Variants in IPO11 observed in about 807,000 individuals in gnomAD.
IPO11 encodes importin-11.
Under a neutral mutation model 143.2 loss-of-function variants are expected in IPO11, and 66 were observed. That is an observed-to-expected ratio of 0.46 (90% confidence interval 0.38 to 0.57). The LOEUF is 0.57. Ranked by LOEUF, IPO11 falls within the 20% of genes least tolerant of loss-of-function variation. IPO11 has a pLI of 0.00. For synonymous variants in IPO11, 385 were observed against 377.8 expected (o/e 1.02, Z -0.22); for missense variants, 1,026 against 1,141.0 (o/e 0.90, Z 1.45).
At chr5:62,609,179 C>T (rs1745840784) in intron 29 of IPO11, among the ~76,000 whole-genome samples, 1 of 152,174 alleles carries the variant, frequency 6.6e-6, no homozygotes, top group Non-Finnish European at 1.5e-5. Context: ...CAGGCACATG[C>T]CTAGTTTAAT....
At chr5:62,431,121 C>T (rs1310992152) in intron 1 of IPO11, among the ~76,000 whole-genome samples, 1 of 151,814 alleles carries the variant, frequency 6.6e-6, no homozygotes, top group East Asian at 1.9e-4. Flanking sequence ...GGACTACAGG[C>T]ATGTGCTACG....
rs1743819124 is a variant in IPO11, at chr5:62,427,936, A to C, written c.-6-9338A>C. 2.0e-5 allele frequency among the ~76,000 whole-genome samples: 3 copies of C among 152,268 alleles called. No individual in the cohort carries two copies. The South Asian group carries it at 6.2e-4, about 31-fold the overall frequency. ...TCTGTTTGAGGTATTAATAACGTAT[A>C]GTGTGCAGGGACAGATATGCTAAAC... On this transcript the variant is annotated intron_variant, in intron 1 of 29. Transcript: ENST00000325324.
chr5:62,608,019 A>G (rs890609883), intron 29 of IPO11, among the ~76,000 whole-genome samples: 1 of 152,132 alleles, frequency 6.6e-6, no homozygotes, highest in African/African-American at 2.4e-5. Flanking sequence ...GGGTTTCACC[A>G]TGTTGGCCAG....
At chr5:62,445,401 A>G (rs1482596769) in intron 3 of IPO11, among the ~76,000 whole-genome samples, 1 of 152,156 alleles carries the variant, frequency 6.6e-6, no homozygotes, top group Non-Finnish European at 1.5e-5. Context: ...AATTATTATT[A>G]GAGAATTGTT....
At chr5:62,419,000 A>G in intron 1 of IPO11, 7 of 1,549,032 alleles carry the variant, frequency 4.5e-6, no homozygotes, top group Non-Finnish European at 6.1e-6. Context: ...TGAACATCAT[A>G]TGAACAAACC....
intron 16 of IPO11, among the ~76,000 whole-genome samples, chr5:62,494,810 T>C (rs1247973162): frequency 6.6e-6 from 1 of 152,198 alleles, no homozygotes; most frequent in Non-Finnish European, 1.5e-5. Flanking sequence ...TTCGCTGTCT[T>C]TTCCTGATTT....
rs979254768 is a variant in IPO11, at chr5:62,581,382, T to C, written c.2583-10195T>C. On this transcript the variant is annotated intron_variant, in intron 27 of 29. Transcript: ENST00000325324. Reference sequence around the variant, plus strand: ...AAACTGAAACCTCCTTATATAATTATATACTTTAGTTGGAAATATAATGAA... The same window carrying C: ...AAACTGAAACCTCCTTATATAATTACATACTTTAGTTGGAAATATAATGAA... The C allele has an allele frequency of 9.1e-6, 10 of 1,092,928 alleles. No individual in the cohort carries two copies. In the African/African-American group the frequency reaches 1.1e-4, roughly 12 times the overall value. 67.7% of individuals were successfully genotyped at this position (1,092,928 alleles called of 1,614,324 possible).
chr5:62,506,562 A>T (rs1741562355), intron 19 of IPO11, among the ~76,000 whole-genome samples: 1 of 152,106 alleles, frequency 6.6e-6, no homozygotes, highest in African/African-American at 2.4e-5. Flanking sequence ...TAAAAAAAAA[A>T]TTGGATCAAC....
intron 1 of IPO11, among the ~76,000 whole-genome samples, chr5:62,433,138 AC>A (rs1744052882): frequency 1.4e-5 from 2 of 143,124 alleles, no homozygotes; most frequent in African/African-American, 2.6e-5. Context: ...TAATTTTGGC[AC>A]CTTTTTGTTT....
chr5:62,483,042 A>G, intron 9 of IPO11, 59 bp from the exon 10 acceptor site: 16 of 1,080,098 alleles, frequency 1.5e-5, no homozygotes, highest in Non-Finnish European at 2.2e-5. Context: ...GAGTGATTAT[A>G]TTCCAATATG....
At position 62,504,689 on chromosome 5, in the gene IPO11, C is replaced by T; in HGVS notation, c.1613C>T (p.Thr538Ile). The T allele has an allele frequency of 6.7e-7, 1 of 1,483,354 alleles. No homozygotes were observed. Among genetic ancestry groups the T allele is most frequent in the Non-Finnish European group, 9.2e-7 (1 of 1,081,516 alleles). 91.9% of individuals were successfully genotyped at this position (1,483,354 alleles called of 1,614,324 possible). A position where few individuals can be genotyped will look rare whatever the true frequency, so the allele number is the denominator to read the frequency against. Residue 538 changes from threonine to isoleucine, a missense_variant, in exon 17 of 30, where the codon ACT (threonine) becomes ATT (isoleucine). By Grantham distance (89) the Thr-to-Ile change is moderately conservative. Around this residue, in one of 5 missense-constraint regions of IPO11, gnomAD observed 237 missense variants for 288.0 expected, o/e 0.82. Coordinates refer to ENST00000325324, the MANE Select transcript of IPO11 (RefSeq NM_016338.5). ...TAGGTCCGTATTGAAACAGCTACAA[C>T]TTTGAAGTTAAATATCCTTCTGAAA... is the stretch of plus-strand genomic sequence containing the variant. ...DLVVRIETAT[T>I]LKLTVDDFEF... is the part of the protein sequence containing the mutation.
chr5:62,607,525 TTAAA>T, intron 29 of IPO11, among the ~76,000 whole-genome samples: 1 of 152,318 alleles, frequency 6.6e-6, no homozygotes, highest in South Asian at 2.1e-4. Flanking sequence ...TTGTTCTTAA[TTAAA>T]TATCAGTAAT....
chr5:62,437,591 T>C (rs1744287388), intron 2 of IPO11, among the ~76,000 whole-genome samples, 174 bp downstream of exon 2: 1 of 152,212 alleles, frequency 6.6e-6, no homozygotes, highest in Non-Finnish European at 1.5e-5. Flanking sequence ...TAAATAAATA[T>C]TTATTGATAA....
intron 9 of IPO11, among the ~76,000 whole-genome samples, chr5:62,480,906 ATTTTTTTTTTT>A (rs34947365): frequency 4.7e-5 from 4 of 84,964 alleles, no homozygotes; most frequent in African/African-American, 1.5e-4. Context: ...TTCCTCTTTC[ATTTTTTTTTTT>A]TTTTTTTTTT....
chr5:62,614,191 A>G (rs929149917), intron 29 of IPO11, among the ~76,000 whole-genome samples: 6 of 152,226 alleles, frequency 3.9e-5, no homozygotes, highest in Non-Finnish European at 8.8e-5. Context: ...GATATTATTT[A>G]TGACTTTCTT....
At chr5:62,556,528 C>T (rs1187664020) in intron 26 of IPO11, among the ~76,000 whole-genome samples, 2 of 151,982 alleles carry the variant, frequency 1.3e-5, no homozygotes, top group African/African-American at 4.8e-5. Flanking sequence ...TGTTTGAAGC[C>T]AGGAGCTTAA....
chr5:62,587,390 A>G (rs1744835920), intron 27 of IPO11, among the ~76,000 whole-genome samples: 1 of 152,144 alleles, frequency 6.6e-6, no homozygotes, highest in Non-Finnish European at 1.5e-5. Context: ...TTCCATGACC[A>G]TGCAGAATTA....
chr5:62,435,178 A>ATATTTATATATATG, intron 1 of IPO11, among the ~76,000 whole-genome samples: 1 of 75,984 alleles, frequency 1.3e-5, no homozygotes, highest in East Asian at 3.8e-4. Flanking sequence ...ATATGTATAT[A>ATATTTATATATATG]TGTATATATA....
rs534546364 is a variant in IPO11, at chr5:62,430,706, C to G, written c.-6-6568C>G. Among the ~76,000 whole-genome samples, 7 of 147,638 alleles carry G rather than the reference C, an allele frequency of 4.7e-5. No homozygotes were observed. The South Asian group carries it at 1.3e-3, about 27-fold the overall frequency. On this transcript the variant is annotated intron_variant, in intron 1 of 29. Coordinates refer to ENST00000325324, the MANE Select transcript of IPO11 (RefSeq NM_016338.5). The stretch of plus-strand genomic sequence containing the variant: ...TTTTTTTTTTTTTTTTGAGACAGAG[C>G]CTTGTTCTGTCGCGAGGCTGGAGTG...
Sources: allele counts gnomAD v4.1 joint callset (sites outside exome capture counted in the v4.1 genomes callset), GRCh38; gene constraint gnomAD v4.1.1; regional missense constraint gnomAD v4.1.1; transcripts MANE v1.5; gene names NCBI Gene and HGNC (gene_info 2026-07-23, HGNC 2026-07-21).